The following MBOAT1 variants were observed in gnomAD, a reference collection of about 807,000 sequenced individuals.
MBOAT1 encodes membrane bound glycerophospholipid O-acyltransferase 1.
A neutral mutation model predicts 64.4 loss-of-function variants in MBOAT1; 67 were observed. The observed-to-expected ratio is 1.04, with a 90% CI of 0.85 to 1.27. The LOEUF is 1.27. Among genes scored for constraint, MBOAT1 ranks in the 50% most tolerant of loss-of-function variants. The pLI, the probability that MBOAT1 is intolerant of heterozygous loss-of-function variation, is 0.00. For synonymous variants in MBOAT1, 229 were observed against 218.9 expected (o/e 1.05, Z -0.41); for missense variants, 563 against 604.6 (o/e 0.93, Z 0.72).
chr6:20,123,913 C>CA (rs1305951456), intron 8 of MBOAT1, among the ~76,000 whole-genome samples: 1 of 152,042 alleles, frequency 6.6e-6, no homozygotes, highest in Non-Finnish European at 1.5e-5. Context: ...AAAAAATTAG[C>CA]TGGGTGTGGT....
At chr6:20,140,702 C>A (rs1761144022) in intron 4 of MBOAT1, among the ~76,000 whole-genome samples, 1 of 152,196 alleles carries the variant, frequency 6.6e-6, no homozygotes, top group Admixed American at 6.5e-5. Context: ...TTTTCTGGAT[C>A]TCTAGCTCAC....
chr6:20,137,729 CA>C (rs1232227839), intron 4 of MBOAT1, among the ~76,000 whole-genome samples: 1 of 152,118 alleles, frequency 6.6e-6, no homozygotes, highest in Non-Finnish European at 1.5e-5. Context: ...CACACACACA[CA>C]CACACACACA....
chr6:20,206,013 C>G (rs12524556), intron 1 of MBOAT1, among the ~76,000 whole-genome samples: 25,861 of 152,062 alleles, frequency 0.17, 3,011 homozygotes, highest in East Asian at 0.55. Context: ...CCTTCTCCCC[C>G]TCCTGTGTGA....
intron 1 of MBOAT1, among the ~76,000 whole-genome samples, chr6:20,189,003 T>C (rs934287600): frequency 5.3e-5 from 8 of 152,198 alleles, no homozygotes; most frequent in African/African-American, 1.9e-4. Flanking sequence ...CCTCAGAGTC[T>C]TGGAATTCTT....
At chr6:20,128,787 T>A in intron 5 of MBOAT1, 34 bp from the exon 6 acceptor site, 1 of 1,488,054 alleles carries the variant, frequency 6.7e-7, no homozygotes, top group Non-Finnish European at 9.2e-7. Context: ...AAATAAGATG[T>A]TTGAAGTGAA....
At chr6:20,134,077 C>CT (rs1208813228) in intron 4 of MBOAT1, among the ~76,000 whole-genome samples, 1 of 152,150 alleles carries the variant, frequency 6.6e-6, no homozygotes, top group African/African-American at 2.4e-5. Context: ...AATCCAAGAC[C>CT]TTTTTTCTTC....
At chr6:20,138,895 G>C (rs1378139278) in intron 4 of MBOAT1, among the ~76,000 whole-genome samples, 1 of 152,206 alleles carries the variant, frequency 6.6e-6, no homozygotes, top group African/African-American at 2.4e-5. Context: ...CAGGCGCTGA[G>C]AGAGAATCTG....
chr6:20,176,367 T>C (rs1462943763), intron 1 of MBOAT1, among the ~76,000 whole-genome samples: 1 of 152,142 alleles, frequency 6.6e-6, no homozygotes, highest in Non-Finnish European at 1.5e-5. Context: ...AACTTCACTA[T>C]GAAAACCTGT....
chr6:20,163,588 C>T (rs1761926527), intron 1 of MBOAT1, among the ~76,000 whole-genome samples: 1 of 152,120 alleles, frequency 6.6e-6, no homozygotes, highest in Non-Finnish European at 1.5e-5. Context: ...GGAATTTAAT[C>T]TCAGGGAGTC....
intron 4 of MBOAT1, among the ~76,000 whole-genome samples, chr6:20,136,159 G>A (rs761905389): frequency 1.6e-4 from 24 of 152,156 alleles, no homozygotes; most frequent in African/African-American, 5.1e-4. Flanking sequence ...AGCAAAGGAA[G>A]TACATAGTTC....
At chr6:20,112,237 T>C (rs749547676) in intron 11 of MBOAT1, among the ~76,000 whole-genome samples, 3 of 152,064 alleles carry the variant, frequency 2.0e-5, no homozygotes, top group Non-Finnish European at 4.4e-5. Context: ...GTCTCCTTCT[T>C]GGAGGAGAGT....
chr6:20,161,003 A>G (rs868501793), intron 1 of MBOAT1, among the ~76,000 whole-genome samples: 6 of 152,184 alleles, frequency 3.9e-5, no homozygotes, highest in African/African-American at 1.2e-4. Context: ...CGGGCCACAG[A>G]CCAGTACTGG....
chr6:20,195,411 A>G (rs953710953), intron 1 of MBOAT1, among the ~76,000 whole-genome samples: 1 of 152,122 alleles, frequency 6.6e-6, no homozygotes, highest in African/African-American at 2.4e-5. Flanking sequence ...ATTCTTCCAT[A>G]CACTCTACCA....
chr6:20,109,263 T>A (rs997146699), intron 12 of MBOAT1, among the ~76,000 whole-genome samples: 11 of 152,138 alleles, frequency 7.2e-5, no homozygotes, highest in African/African-American at 2.7e-4. Flanking sequence ...CAGTACAGCC[T>A]ACCCCCCAGG....
chr6:20,111,879 T>TATATATATACATATATATAC (rs1581396161), intron 11 of MBOAT1, among the ~76,000 whole-genome samples: 23 of 76,048 alleles, frequency 3.0e-4, no homozygotes, highest in South Asian at 9.2e-4. Flanking sequence ...CATATATATA[T>TATATATATACATATATATAC]GTATATATAT....
intron 11 of MBOAT1, 62 bp downstream of exon 11, chr6:20,112,814 A>G (rs988833898): frequency 1.1e-5 from 17 of 1,562,836 alleles, no homozygotes; most frequent in Non-Finnish European, 1.5e-5. Flanking sequence ...GACCCAACAG[A>G]TAACAAACAT....
chr6:20,118,301 A>G, intron 9 of MBOAT1, 136 bp downstream of exon 9: 1 of 679,576 alleles, frequency 1.5e-6, no homozygotes, highest in Non-Finnish European at 2.6e-6. Flanking sequence ...AATGTCCAGT[A>G]GGCTGCTGAG....
At chr6:20,193,407 G>A (rs970538968) in intron 1 of MBOAT1, among the ~76,000 whole-genome samples, 1 of 152,128 alleles carries the variant, frequency 6.6e-6, no homozygotes, top group Non-Finnish European at 1.5e-5. Context: ...CGGTACCTGA[G>A]AGGCAGAATA....
intron 12 of MBOAT1, among the ~76,000 whole-genome samples, chr6:20,105,820 AC>A (rs1415676088): frequency 9.2e-5 from 14 of 152,196 alleles, no homozygotes; most frequent in Non-Finnish European, 1.9e-4. Flanking sequence ...GTTATTACCC[AC>A]TGAATTTAAG....
Sources: gnomAD v4.1 joint callset for allele counts (sites outside exome capture counted in the v4.1 genomes callset) on GRCh38, gnomAD v4.1.1 for gene constraint, MANE v1.5 for transcripts, NCBI Gene and HGNC (gene_info 2026-07-23, HGNC 2026-07-21) for gene names.